Variants in ICA1 observed in about 807,000 individuals in gnomAD.
ICA1 encodes islet cell autoantigen 1, also known as 69 kDa islet cell autoantigen.
In ICA1, 40 loss-of-function variants were observed where a neutral mutation model predicts 71.0. The observed-to-expected ratio is 0.56, with a 90% confidence interval of 0.44 to 0.73. The LOEUF (loss-of-function observed/expected upper bound fraction) is 0.73, where lower values mean the gene tolerates loss of function less well. Among genes scored for constraint, ICA1 ranks in the 30% least tolerant of loss-of-function variants. ICA1 has a pLI of 0.00. For synonymous variants in ICA1, 207 were observed against 209.5 expected (o/e 0.99, Z 0.10); for missense variants, 578 against 576.5 (o/e 1.00, Z -0.03).
intron 6 of ICA1, among the ~76,000 whole-genome samples, chr7:8,215,770 G>A (rs1217654023): frequency 6.6e-6 from 1 of 152,144 alleles, no homozygotes; most frequent in Non-Finnish European, 1.5e-5. Flanking sequence ...TTTAGCTCAG[G>A]ATTCATCCTT....
intron 1 of ICA1, among the ~76,000 whole-genome samples, chr7:8,259,687 G>C (rs1343630534): frequency 6.6e-6 from 1 of 152,118 alleles, no homozygotes; most frequent in East Asian, 1.9e-4. Flanking sequence ...AAGTAACTTG[G>C]TCAAGGTCAC....
intron 6 of ICA1, among the ~76,000 whole-genome samples, chr7:8,209,871 G>A (rs771094523): frequency 6.6e-6 from 1 of 152,184 alleles, no homozygotes; most frequent in Non-Finnish European, 1.5e-5. Context: ...GGGGTGAATG[G>A]CACAGATTTT....
intron 8 of ICA1, among the ~76,000 whole-genome samples, chr7:8,151,677 C>T (rs1262882766): frequency 6.6e-6 from 1 of 152,176 alleles, no homozygotes; most frequent in African/African-American, 2.4e-5. Flanking sequence ...ACTACAGAGC[C>T]ATGTGGCCGG....
rs1233384748 is a variant in ICA1, at chr7:8,130,683, A to T, written c.1061-2541T>A. On this transcript the variant is annotated intron_variant, in intron 12 of 13. Coordinates refer to ENST00000402384, the MANE Select transcript of ICA1 (RefSeq NM_001136020.3). This position sits in a 1 kb window ranked among gnomAD's most constrained non-coding sequence, Gnocchi z 4.2. ...CTACAGTCGCTTTATACAGCCCTCC[A>T]CTAAGTCAAACCCTCAGGGAGGCTT... Among the ~76,000 whole-genome samples, 1 of 152,208 alleles carries T rather than the reference A, an allele frequency of 6.6e-6. No individual in the cohort carries two copies. Among genetic ancestry groups the T allele is most frequent in the Non-Finnish European group, 1.5e-5 (1 of 68,044 alleles).
intron 10 of ICA1, among the ~76,000 whole-genome samples, chr7:8,140,131 A>AAT (rs1453758473): frequency 6.6e-6 from 1 of 152,236 alleles, no homozygotes; most frequent in Non-Finnish European, 1.5e-5. Flanking sequence ...ATACAAATAT[A>AAT]ATAAACTGCA....
At position 8,240,110 on chromosome 7, in the gene ICA1, A is replaced by AT. The variant is rs548784315; in HGVS notation, c.-79-4106dup. ...CTCCTCAAGTAGGTCCCTGACCCCC[A>AT]TGTAGCCTAACTGGGAGACACCTCC... On this transcript the variant is annotated intron_variant, in intron 1 of 13. Transcript: ENST00000402384. 6.7e-3 allele frequency among the ~76,000 whole-genome samples: 1,027 copies of AT among 152,324 alleles called. 14 individuals carry two copies. The highest frequency in any genetic ancestry group is 0.023 in the African/African-American group (963 of 41,582).
At position 8,168,112 on chromosome 7, in the gene ICA1, A is replaced by T. The variant is rs1806839647; in HGVS notation, c.580-9460T>A. Among the ~76,000 whole-genome samples, 6 of 152,098 alleles carry T rather than the reference A, an allele frequency of 3.9e-5. No homozygotes were observed. In the South Asian group the frequency reaches 1.2e-3, roughly 31 times the overall value. On this transcript the variant is annotated intron_variant, in intron 6 of 13. Coordinates refer to ENST00000402384, the MANE Select transcript of ICA1 (RefSeq NM_001136020.3). ...GGATCCAGTTGCTTTTCCTATGGTC[A>T]CATGGGATTTCTAATTAACTCCTCT...
intron 6 of ICA1, among the ~76,000 whole-genome samples, chr7:8,182,465 GAGA>G (rs757542843): frequency 3.9e-5 from 6 of 152,164 alleles, no homozygotes; most frequent in Non-Finnish European, 5.9e-5. Flanking sequence ...TTGGGCAGAG[GAGA>G]AGAACAGGAC....
intron 10 of ICA1, among the ~76,000 whole-genome samples, chr7:8,139,813 T>C (rs576970042): frequency 6.6e-6 from 1 of 152,332 alleles, no homozygotes; most frequent in Admixed American, 6.5e-5. Flanking sequence ...CTAACTTTGC[T>C]GTGAACCAAA....
intron 13 of ICA1, among the ~76,000 whole-genome samples, chr7:8,114,291 C>T (rs1393573281): frequency 6.6e-6 from 1 of 152,144 alleles, no homozygotes; most frequent in Non-Finnish European, 1.5e-5. Flanking sequence ...CCCACCTGCA[C>T]CCCAACCCCA....
chr7:8,218,060 G>A (rs939358691), intron 6 of ICA1, among the ~76,000 whole-genome samples: 9 of 152,148 alleles, frequency 5.9e-5, no homozygotes, highest in South Asian at 2.1e-4. Flanking sequence ...CACATTATAA[G>A]AAAATCTGAC....
At chr7:8,147,950 T>C (rs1265256170) in intron 8 of ICA1, among the ~76,000 whole-genome samples, 1 of 152,146 alleles carries the variant, frequency 6.6e-6, no homozygotes, top group Non-Finnish European at 1.5e-5. Flanking sequence ...TTTCCTCCCA[T>C]ATCCCAAAGC....
rs1402564567 is a variant in ICA1 at position 8,173,154 on chromosome 7, A to G, written c.580-14502T>C. On this transcript the variant is annotated intron_variant, in intron 6 of 13. Coordinates refer to ENST00000402384, the MANE Select transcript of ICA1 (RefSeq NM_001136020.3). This position sits in a 1 kb window ranked among gnomAD's most constrained non-coding sequence, Gnocchi z 4.0. The stretch of plus-strand genomic sequence containing the variant: ...AGCAATGAGGTCACGGCCTCTGACT[A>G]TCATGTCCCCTCTCTAAGTAACCAG... Among the ~76,000 whole-genome samples, 1 of 152,182 alleles carries G rather than the reference A, an allele frequency of 6.6e-6. No homozygotes were observed. Among genetic ancestry groups the G allele is most frequent in the African/African-American group, 2.4e-5 (1 of 41,450 alleles).
At position 8,240,149 on chromosome 7, in the gene ICA1, C is replaced by A. The variant is rs1397029341; in HGVS notation, c.-79-4144G>T. 1.3e-5 allele frequency among the ~76,000 whole-genome samples: 2 copies of A among 152,240 alleles called. 1 individual carries two copies. Among genetic ancestry groups the A allele is most frequent in the Non-Finnish European group, 2.9e-5 (2 of 68,046 alleles). ...GGAGACACCTCCCAGTAGGGGCTGA[C>A]AGACACCTTATACAGGTGGGTGCCC... On this transcript the variant is annotated intron_variant, in intron 1 of 13. Transcript: ENST00000402384.
At chr7:8,174,484 C>T (rs926254437) in intron 6 of ICA1, among the ~76,000 whole-genome samples, 3 of 151,802 alleles carry the variant, frequency 2.0e-5, no homozygotes, top group African/African-American at 7.3e-5. Flanking sequence ...GTGAGAATTT[C>T]CCCCAAGATG....
intron 5 of ICA1, among the ~76,000 whole-genome samples, chr7:8,220,755 G>T (rs1206461189): frequency 6.6e-6 from 1 of 152,150 alleles, no homozygotes; most frequent in Non-Finnish European, 1.5e-5. Context: ...TGTGGATGTG[G>T]ATCCTGCATG....
intron 3 of ICA1, among the ~76,000 whole-genome samples, chr7:8,229,868 T>C (rs1291554762): frequency 6.6e-6 from 1 of 152,234 alleles, no homozygotes; most frequent in Non-Finnish European, 1.5e-5. Context: ...AGCAAGTGTT[T>C]TATATCAGTA....
At chr7:8,260,633 T>C (rs972913358) in intron 1 of ICA1, among the ~76,000 whole-genome samples, 1 of 152,232 alleles carries the variant, frequency 6.6e-6, no homozygotes, top group Non-Finnish European at 1.5e-5. Flanking sequence ...GTATGTACAG[T>C]ATTAGTATAA....
At chr7:8,250,798 G>A (rs535715041) in intron 1 of ICA1, among the ~76,000 whole-genome samples, 22 of 152,270 alleles carry the variant, frequency 1.4e-4, no homozygotes, top group Admixed American at 1.1e-3. Flanking sequence ...CTTATTCATG[G>A]TAGCTAAAAG....
Sources: allele counts gnomAD v4.1 joint callset (sites outside exome capture counted in the v4.1 genomes callset), GRCh38; gene constraint gnomAD v4.1.1; non-coding constraint Gnocchi (gnomAD v3.1); transcripts MANE v1.5; gene names NCBI Gene and HGNC (gene_info 2026-07-23, HGNC 2026-07-21).